TNFRSF19: variants seen among roughly 807,000 people sequenced by gnomAD.
TNFRSF19 encodes the protein TNF receptor superfamily member 19, also known as tumor necrosis factor receptor superfamily member 19.
A neutral mutation model predicts 46.4 loss-of-function variants in TNFRSF19; 27 were observed. That is an observed-to-expected ratio of 0.58 (90% CI 0.43 to 0.80). The LOEUF is 0.80. TNFRSF19 is among the 30% of genes least tolerant of loss of function. The pLI, the probability that TNFRSF19 is intolerant of heterozygous loss-of-function variation, is 0.00. For synonymous variants in TNFRSF19, 204 were observed against 205.0 expected, an observed-to-expected ratio of 1.00 and a Z score of 0.04; for missense variants, 511 against 530.8, an observed-to-expected ratio of 0.96 and a Z score of 0.37.
intron 5 of TNFRSF19, among the ~76,000 whole-genome samples, chr13:23,643,289 C>G (rs1883133076): frequency 6.6e-6 from 1 of 152,188 alleles, no homozygotes; most frequent in African/African-American, 2.4e-5. Context: ...ATAAATTCAG[C>G]AACATGTTTT....
chr13:23,619,449 G>T (rs886288337), intron 4 of TNFRSF19, among the ~76,000 whole-genome samples: 4 of 152,206 alleles, frequency 2.6e-5, no homozygotes, highest in Non-Finnish European at 4.4e-5. Flanking sequence ...TCCTAAAATT[G>T]ATTGTGGTGA....
intron 1 of TNFRSF19, among the ~76,000 whole-genome samples, chr13:23,583,243 A>C (rs1878581578): frequency 6.6e-6 from 1 of 152,218 alleles, no homozygotes; most frequent in Non-Finnish European, 1.5e-5. Flanking sequence ...TTAGACATTC[A>C]AATAAGTAGG....
At chr13:23,654,443 G>A (rs1248535816) in intron 5 of TNFRSF19, among the ~76,000 whole-genome samples, 2 of 152,006 alleles carry the variant, frequency 1.3e-5, no homozygotes, top group Admixed American at 6.5e-5. Flanking sequence ...ACAGTGGCCC[G>A]TCATGCAGAC....
intron 4 of TNFRSF19, among the ~76,000 whole-genome samples, chr13:23,620,261 A>T (rs1013071694): frequency 2.6e-5 from 4 of 152,164 alleles, no homozygotes; most frequent in Non-Finnish European, 4.4e-5. Flanking sequence ...CAAAATGCAT[A>T]TTGCTCCCCA....
rs148455697 is a variant in TNFRSF19 at position 23,598,473 on chromosome 13, T to C, written c.180+5018T>C. ...TTTTTCTTAAAATGAATGTCAGCAT[T>C]ACTTGTCAAGAAGTAGAGCCTGCCA... On this transcript the variant is annotated intron_variant, in intron 3 of 9. Coordinates refer to ENST00000248484, the MANE Select transcript of TNFRSF19 (RefSeq NM_148957.4). Among the ~76,000 whole-genome samples the C allele has an allele frequency of 1.8e-3, 267 of 152,332 alleles. 2 individuals carry two copies. Among genetic ancestry groups the C allele is most frequent in the African/African-American group, 6.0e-3 (251 of 41,586 alleles).
intron 9 of TNFRSF19, chr13:23,669,759 C>G: frequency 1.0e-6 from 1 of 966,498 alleles, no homozygotes; most frequent in Non-Finnish European, 1.2e-6. Flanking sequence ...GCAAAGGATT[C>G]AGGGATAACT....
chr13:23,604,219 T>A (rs1201174293), intron 3 of TNFRSF19, among the ~76,000 whole-genome samples: 1 of 151,690 alleles, frequency 6.6e-6, no homozygotes, highest in Non-Finnish European at 1.5e-5. Flanking sequence ...AGTGAACAAG[T>A]GGGATTTGAA....
chr13:23,642,648 G>T (rs1883096913), intron 5 of TNFRSF19, among the ~76,000 whole-genome samples: 1 of 152,216 alleles, frequency 6.6e-6, no homozygotes, highest in Admixed American at 6.5e-5. Context: ...AGGAAAGAGG[G>T]ATGATGGCCT....
At chr13:23,572,417 C>A (rs1444869036) in intron 1 of TNFRSF19, among the ~76,000 whole-genome samples, 2 of 151,964 alleles carry the variant, frequency 1.3e-5, no homozygotes, top group Admixed American at 1.3e-4. Context: ...GAAAATTAGC[C>A]TTTTAAAACA....
At chr13:23,613,203 C>G (rs1338552631) in intron 3 of TNFRSF19, among the ~76,000 whole-genome samples, 1 of 152,222 alleles carries the variant, frequency 6.6e-6, no homozygotes, top group Non-Finnish European at 1.5e-5. Flanking sequence ...AATCCTAACA[C>G]TTATAGGTAT....
chr13:23,666,084 C>T (rs751235302), intron 7 of TNFRSF19, among the ~76,000 whole-genome samples: 15 of 152,160 alleles, frequency 9.9e-5, no homozygotes, highest in Non-Finnish European at 1.9e-4. Flanking sequence ...GAGTCCTCAG[C>T]GCACTGTATC....
At chr13:23,583,370 G>C (rs1222446326) in intron 1 of TNFRSF19, among the ~76,000 whole-genome samples, 1 of 152,142 alleles carries the variant, frequency 6.6e-6, no homozygotes, top group South Asian at 2.1e-4. Flanking sequence ...AAGTGGGTAT[G>C]AACATAATTT....
intron 4 of TNFRSF19, among the ~76,000 whole-genome samples, chr13:23,621,073 G>A (rs1005067157): frequency 6.6e-6 from 1 of 152,096 alleles, no homozygotes; most frequent in East Asian, 1.9e-4. Flanking sequence ...GGAGGTCACC[G>A]CTGGGGCTTC....
intron 7 of TNFRSF19, among the ~76,000 whole-genome samples, chr13:23,664,261 A>G (rs1951580365): frequency 6.6e-6 from 1 of 152,186 alleles, no homozygotes; most frequent in Non-Finnish European, 1.5e-5. Context: ...TTTACCCAAA[A>G]GTCATTCAGG....
In TNFRSF19 at chr13:23,668,662, A is replaced by G. The variant is rs7329483; in HGVS notation, c.840-30A>G. The G allele has an allele frequency of 0.86, 1,360,569 of 1,574,038 alleles. 589,506 individuals are homozygous for G. The highest frequency in any genetic ancestry group is 0.88 in the Non-Finnish European group (1,025,239 of 1,162,292). On this transcript the variant is annotated intron_variant, in intron 8 of 9. Transcript: ENST00000248484. ...TAGTAGTGTTTTTCTCCCCATCAAA[A>G]ACTTTAAGTTCTTTTGAACGTGTGT... is the stretch of plus-strand genomic sequence containing the variant.
At position 23,603,694 on chromosome 13, in the gene TNFRSF19, T is replaced by A. The variant is rs117040704; in HGVS notation, c.180+10239T>A. On this transcript the variant is annotated intron_variant, in intron 3 of 9. Coordinates refer to ENST00000248484, the MANE Select transcript of TNFRSF19 (RefSeq NM_148957.4). The stretch of plus-strand genomic sequence containing the variant: ...AATTCAGTTAATGTAATATGTCACA[T>A]CAGTGGGCTAAAGGGGAAAAAAATC... Among the ~76,000 whole-genome samples, 1,271 of 151,992 alleles carry A rather than the reference T, an allele frequency of 8.4e-3. 28 individuals are homozygous for A. Among genetic ancestry groups the A allele is most frequent in the East Asian group, 0.077 (396 of 5,174 alleles).
intron 2 of TNFRSF19, 25 bp from the exon 3 acceptor site, chr13:23,593,320 C>T: frequency 7.0e-7 from 1 of 1,434,562 alleles, no homozygotes; most frequent in Non-Finnish European, 9.5e-7. Context: ...TTTAAGATAA[C>T]ATTTTGTTAA....
At chr13:23,641,082 A>G (rs1371332159) in intron 5 of TNFRSF19, among the ~76,000 whole-genome samples, 1 of 152,228 alleles carries the variant, frequency 6.6e-6, no homozygotes, top group African/African-American at 2.4e-5. Context: ...AGATTTTTGA[A>G]TCTTTGTACA....
At chr13:23,618,948 A>G (rs1263740265) in intron 4 of TNFRSF19, among the ~76,000 whole-genome samples, 2 of 152,204 alleles carry the variant, frequency 1.3e-5, no homozygotes, top group Admixed American at 6.5e-5. Flanking sequence ...CCACGTAAGG[A>G]CACAGCATTT....
Sources: allele counts gnomAD v4.1 joint callset (sites outside exome capture counted in the v4.1 genomes callset), GRCh38; gene constraint gnomAD v4.1.1; transcripts MANE v1.5; gene names NCBI Gene and HGNC (gene_info 2026-07-23, HGNC 2026-07-21).